Variants in TRMT9B observed in about 807,000 individuals in gnomAD.
The protein encoded by TRMT9B is tRNA methyltransferase 9B (putative), also known as probable tRNA methyltransferase 9B.
Under a neutral mutation model 11.5 loss-of-function variants are expected in TRMT9B, and 16 were observed. The ratio of observed to expected loss-of-function variants is 1.39; its 90% CI spans 0.94 to 2.11. The LOEUF (loss-of-function observed/expected upper bound fraction) is 2.11, where lower values mean the gene tolerates loss of function less well. Among genes scored for constraint, TRMT9B ranks in the 30% most tolerant of loss-of-function variants. The pLI, the probability that TRMT9B is intolerant of heterozygous loss-of-function variation, is 0.00. For synonymous variants in TRMT9B, 274 were observed against 192.4 expected (o/e 1.42, Z -3.51); for missense variants, 941 against 553.8 (o/e 1.70, Z -7.02).
At chr8:12,972,382 C>T (rs1323340932) in intron 1 of TRMT9B, among the ~76,000 whole-genome samples, 1 of 152,134 alleles carries the variant, frequency 6.6e-6, no homozygotes, top group African/African-American at 2.4e-5. Context: ...TGGGAGGAGA[C>T]TTGCTTGTGG....
intron 1 of TRMT9B, chr8:12,951,882 AC>A (rs1800667134): frequency 6.6e-6 from 1 of 152,146 alleles, no homozygotes; most frequent in African/African-American, 2.4e-5. Flanking sequence ...AGCACCCCCG[AC>A]CGGGCCCAGG....
At chr8:12,972,336 G>C (rs1456990614) in intron 1 of TRMT9B, among the ~76,000 whole-genome samples, 1 of 152,222 alleles carries the variant, frequency 6.6e-6, no homozygotes, top group East Asian at 1.9e-4. Flanking sequence ...TGAGAGCTCA[G>C]AGGAGAGTCC....
At position 13,021,565 on chromosome 8, in the gene TRMT9B, C is replaced by T. The variant is rs771470603; in HGVS notation, c.886C>T (p.His296Tyr). Residue 296 changes from histidine (H) to tyrosine (Y), a missense_variant, in exon 5 of 5, where the codon CAC becomes TAC. His to Tyr is a moderately conservative substitution (Grantham distance 83, BLOSUM62 2). Coordinates refer to ENST00000524591, the MANE Select transcript of TRMT9B (RefSeq NM_020844.3). ...CAGACACTCTAGTTTAGACTTTGATCACCAAGAGCCATTTTCAACAAAAGG... is the reference window on the plus strand; with the variant it reads ...CAGACACTCTAGTTTAGACTTTGATTACCAAGAGCCATTTTCAACAAAAGG... ...PSRHSSLDFD[H>Y]QEPFSTKGQS... 1.2e-6 allele frequency: 2 copies of T among 1,613,902 alleles called. No individual in the cohort carries two copies. The highest frequency in any genetic ancestry group is 3.3e-5 in the Admixed American group (2 of 60,022).
At chr8:12,952,731 T>C (rs1425578318) in intron 1 of TRMT9B, 6 of 968,928 alleles carry the variant, frequency 6.2e-6, no homozygotes, top group Non-Finnish European at 6.1e-6. Flanking sequence ...TATTACTTGC[T>C]ATGTGTGGGG....
intron 1 of TRMT9B, among the ~76,000 whole-genome samples, chr8:12,953,814 C>T (rs1800952551): frequency 1.3e-5 from 2 of 152,106 alleles, no homozygotes; most frequent in Admixed American, 6.6e-5. Context: ...TTACCTATAA[C>T]TTATTTAAAG....
Position 13,021,251 on chromosome 8 carries a change from A to G in TRMT9B, c.572A>G (p.His191Arg), listed in dbSNP as rs1366218410. 11 of 1,613,990 alleles carry G rather than the reference A, an allele frequency of 6.8e-6. No individual in the cohort carries two copies. In the South Asian group the frequency reaches 1.1e-4, roughly 16 times the overall value. Residue 191 changes from histidine to arginine, a missense_variant, in exon 5 of 5, where the codon CAT becomes CGT. His to Arg is a conservative substitution (Grantham distance 29). Transcript: ENST00000524591. Reference protein sequence around the residue: ...CGYPERGHPYHPPCSECSCSV... With the variant: ...CGYPERGHPYRPPCSECSCSV... Reference sequence around the variant, plus strand: ...TACCCAGAAAGAGGCCATCCCTACCATCCTCCTTGCTCTGAGTGTAGCTGT... The same window carrying G: ...TACCCAGAAAGAGGCCATCCCTACCGTCCTCCTTGCTCTGAGTGTAGCTGT...
intron 3 of TRMT9B, chr8:13,006,727 G>GGC: frequency 9.4e-7 from 1 of 1,069,008 alleles, no homozygotes; most frequent in Non-Finnish European, 1.2e-6. Context: ...GGAGTGCAGT[G>GGC]GTGCAATCTC....
chr8:12,960,112 A>G (rs1801890870), intron 1 of TRMT9B: 1 of 152,224 alleles, frequency 6.6e-6, no homozygotes, highest in Non-Finnish European at 1.5e-5. Context: ...AGTCCTGGAA[A>G]GTAATGTCCA....
chr8:12,966,927 T>A (rs1255968134), intron 1 of TRMT9B, among the ~76,000 whole-genome samples: 1 of 152,182 alleles, frequency 6.6e-6, no homozygotes, highest in East Asian at 1.9e-4. Flanking sequence ...CAGTGTTCCT[T>A]TCCATGTTTA....
intron 1 of TRMT9B, among the ~76,000 whole-genome samples, chr8:12,967,128 C>G (rs1458770827): frequency 6.6e-6 from 1 of 152,124 alleles, no homozygotes; most frequent in Admixed American, 6.6e-5. Flanking sequence ...CATGTCCAAA[C>G]AAGACATATC....
At chr8:12,994,681 T>G (rs1808016409) in intron 2 of TRMT9B, among the ~76,000 whole-genome samples, 1 of 152,058 alleles carries the variant, frequency 6.6e-6, no homozygotes, top group Non-Finnish European at 1.5e-5. Flanking sequence ...GAAACGAACA[T>G]TTTCTTTTTT....
Position 13,027,417 on chromosome 8 carries a change from G to C in TRMT9B, c.*5373G>C, listed in dbSNP as rs538008830. 2.6e-4 allele frequency: 43 copies of C among 167,118 alleles called. 1 individual carries two copies. Among genetic ancestry groups the C allele is most frequent in the African/African-American group, 9.9e-4 (41 of 41,548 alleles). 10.4% of individuals were successfully genotyped at this position (167,118 alleles called of 1,614,324 possible). A position where few individuals can be genotyped will look rare whatever the true frequency, so the allele number is the denominator to read the frequency against. On this transcript the variant is annotated 3_prime_UTR_variant, in exon 5 of 5. Coordinates refer to ENST00000524591, the MANE Select transcript of TRMT9B (RefSeq NM_020844.3). ...CTTGGACTTAATCTAGCTTACCCTAGACGTATTAACATCCTATAGCGCACG... is the reference window on the plus strand; with the variant it reads ...CTTGGACTTAATCTAGCTTACCCTACACGTATTAACATCCTATAGCGCACG...
chr8:12,992,462 T>G (rs964903581), intron 2 of TRMT9B, among the ~76,000 whole-genome samples: 4 of 151,758 alleles, frequency 2.6e-5, no homozygotes, highest in African/African-American at 9.7e-5. Context: ...GGAAATGTGA[T>G]AGGAGGTGTA....
chr8:12,978,507 TGATAGATAGATGATAGATAGATAGATA>T (rs751534552), intron 1 of TRMT9B, among the ~76,000 whole-genome samples: 1,500 of 96,896 alleles, frequency 0.015, 19 homozygotes, highest in Non-Finnish European at 0.016. Context: ...GATAGACAGA[TGATAGATAGATGATAGATAGATAGATA>T]GATAGATAGA....
intron 1 of TRMT9B, among the ~76,000 whole-genome samples, chr8:12,988,510 C>T (rs1806734361): frequency 6.6e-6 from 1 of 152,108 alleles, no homozygotes; most frequent in Non-Finnish European, 1.5e-5. Context: ...TTCAGCATGG[C>T]TGGGGAGGCC....
At chr8:13,002,571 A>C (rs1299003398) in intron 2 of TRMT9B, among the ~76,000 whole-genome samples, 2 of 152,202 alleles carry the variant, frequency 1.3e-5, no homozygotes, top group African/African-American at 2.4e-5. Flanking sequence ...GATTTTTTGC[A>C]GGGGCTGTGG....
At position 12,947,445 on chromosome 8, in the gene TRMT9B, C is replaced by T. The variant is rs1448190348; in HGVS notation, c.-200+1479C>T. Among the ~76,000 whole-genome samples, 4 of 152,158 alleles carry T rather than the reference C, an allele frequency of 2.6e-5. No homozygotes were observed. The East Asian group carries it at 5.8e-4, about 22-fold the overall frequency. Reference sequence around the variant, plus strand: ...AAATACAGTAATTTTTTTGGTAAGTCTCCATTAAGCTAATAATAGGTAAGC... The same window carrying T: ...AAATACAGTAATTTTTTTGGTAAGTTTCCATTAAGCTAATAATAGGTAAGC... On this transcript the variant is annotated intron_variant, in intron 1 of 4. Coordinates refer to ENST00000524591, the MANE Select transcript of TRMT9B (RefSeq NM_020844.3).
intron 1 of TRMT9B, among the ~76,000 whole-genome samples, chr8:12,987,397 A>C (rs962268610): frequency 1.3e-5 from 2 of 152,198 alleles, no homozygotes; most frequent in African/African-American, 4.8e-5. Context: ...TTATAAGTCA[A>C]AAATGCACTT....
intron 1 of TRMT9B, among the ~76,000 whole-genome samples, chr8:12,969,025 A>G (rs560253239): frequency 6.2e-4 from 95 of 152,330 alleles, no homozygotes; most frequent in African/African-American, 2.2e-3. Flanking sequence ...TAGCCTGATC[A>G]ACATGGTGAA....
Sources: gnomAD v4.1 joint callset for allele counts (sites outside exome capture counted in the v4.1 genomes callset) on GRCh38, gnomAD v4.1.1 for gene constraint, MANE v1.5 for transcripts, NCBI Gene and HGNC (gene_info 2026-07-23, HGNC 2026-07-21) for gene names.